GRID2: variants seen among roughly 807,000 people sequenced by gnomAD.
GRID2 encodes glutamate receptor ionotropic, delta-2.
Under a neutral mutation model 114.8 loss-of-function variants are expected in GRID2, and 33 were observed. The observed-to-expected ratio is 0.29, with a 90% CI of 0.22 to 0.38. GRID2 has a LOEUF of 0.38. GRID2 is among the 10% of genes least tolerant of loss of function. GRID2 has a pLI of 1.00. For synonymous variants in GRID2, 505 were observed against 449.9 expected (o/e 1.12, Z -1.55); for missense variants, 1,184 against 1,257.7 (o/e 0.94, Z 0.89).
intron 8 of GRID2, among the ~76,000 whole-genome samples, chr4:93,314,656 ATTTT>A (rs1039530746): frequency 6.6e-6 from 1 of 151,230 alleles, no homozygotes; most frequent in African/African-American, 2.4e-5. Flanking sequence ...CTCCTCCTTT[ATTTT>A]TTCTTTTCCT....
intron 8 of GRID2, among the ~76,000 whole-genome samples, chr4:93,316,308 G>C (rs1313943963): frequency 1.8e-5 from 2 of 112,946 alleles, no homozygotes; most frequent in Non-Finnish European, 3.6e-5. Context: ...AAGAAAGAAA[G>C]AAAGAAAGAA....
At chr4:93,115,938 A>G (rs771496213) in intron 4 of GRID2, among the ~76,000 whole-genome samples, 5 of 152,132 alleles carry the variant, frequency 3.3e-5, no homozygotes, top group Non-Finnish European at 7.4e-5. Context: ...ATATCAGTAG[A>G]TTAAATGACT....
At chr4:92,908,713 T>C (rs921518449) in intron 2 of GRID2, among the ~76,000 whole-genome samples, 1 of 152,202 alleles carries the variant, frequency 6.6e-6, no homozygotes, top group Non-Finnish European at 1.5e-5. Context: ...AGAATAGTTA[T>C]ATAAAAAATT....
At chr4:93,633,741 G>A (rs1721157116) in intron 14 of GRID2, among the ~76,000 whole-genome samples, 1 of 152,038 alleles carries the variant, frequency 6.6e-6, no homozygotes, top group South Asian at 2.1e-4. Context: ...CACAGCACCT[G>A]CCTACCCTTC....
At chr4:93,090,599 G>A (rs1730699739) in intron 3 of GRID2, among the ~76,000 whole-genome samples, 1 of 152,172 alleles carries the variant, frequency 6.6e-6, no homozygotes, top group Admixed American at 6.6e-5. Flanking sequence ...ATTGCTCCAT[G>A]TAGCTCCCAT....
chr4:92,399,371 G>C (rs1036909216), intron 1 of GRID2, among the ~76,000 whole-genome samples: 2 of 152,050 alleles, frequency 1.3e-5, no homozygotes, highest in African/African-American at 4.8e-5. Flanking sequence ...CTCCTAATTG[G>C]AACCCATCTA....
chr4:92,360,850 G>T (rs1728582906), intron 1 of GRID2, among the ~76,000 whole-genome samples: 1 of 151,746 alleles, frequency 6.6e-6, no homozygotes, highest in Non-Finnish European at 1.5e-5. Flanking sequence ...ACTTTTGTGG[G>T]GTTTTCCCCC....
intron 8 of GRID2, among the ~76,000 whole-genome samples, chr4:93,249,287 G>A (rs191101197): frequency 6.6e-6 from 1 of 152,266 alleles, no homozygotes; most frequent in African/African-American, 2.4e-5. Flanking sequence ...TGGTAGTATA[G>A]TTTGAAGTCA....
intron 8 of GRID2, among the ~76,000 whole-genome samples, chr4:93,273,779 A>G (rs775358666): frequency 5.9e-5 from 9 of 152,158 alleles, no homozygotes; most frequent in Non-Finnish European, 1.0e-4. Context: ...CAAGGTGGCA[A>G]TACCTCTCAG....
intron 8 of GRID2, among the ~76,000 whole-genome samples, chr4:93,294,573 G>A (rs748154644): frequency 6.6e-6 from 1 of 152,088 alleles, no homozygotes; most frequent in Non-Finnish European, 1.5e-5. Flanking sequence ...CTGTTTGCTG[G>A]TTTGTGACAG....
At chr4:93,232,342 A>G (rs1301180543) in intron 7 of GRID2, among the ~76,000 whole-genome samples, 1 of 152,066 alleles carries the variant, frequency 6.6e-6, no homozygotes, top group Non-Finnish European at 1.5e-5. Flanking sequence ...TTTAAATCAA[A>G]TTCTTTTGCA....
At chr4:93,332,299 T>TGTGAGAGAGAGA (rs1332631052) in intron 8 of GRID2, among the ~76,000 whole-genome samples, 2 of 120,988 alleles carry the variant, frequency 1.7e-5, no homozygotes, top group African/African-American at 6.6e-5. Context: ...TGTGTGTGTG[T>TGTGAGAGAGAGA]GAGAGAGAGA....
intron 14 of GRID2, among the ~76,000 whole-genome samples, chr4:93,648,325 G>A (rs536622214): frequency 4.6e-4 from 70 of 152,112 alleles, no homozygotes; most frequent in Non-Finnish European, 8.2e-4. Context: ...AGTAACATGG[G>A]GAAAAATCAA....
At chr4:92,843,406 G>C (rs556989886) in intron 2 of GRID2, among the ~76,000 whole-genome samples, 32 of 152,172 alleles carry the variant, frequency 2.1e-4, no homozygotes, top group Non-Finnish European at 4.1e-4. Flanking sequence ...TGTGGGCCCT[G>C]TAGAACTTTG....
chr4:93,560,588 A>G (rs1734827359), intron 13 of GRID2, among the ~76,000 whole-genome samples: 1 of 152,160 alleles, frequency 6.6e-6, no homozygotes. Flanking sequence ...CACTGGGGAT[A>G]ATATTTTATT....
chr4:93,552,735 C>T (rs1329986362), intron 13 of GRID2, among the ~76,000 whole-genome samples: 13 of 152,112 alleles, frequency 8.5e-5, no homozygotes, highest in Non-Finnish European at 1.3e-4. Context: ...CGGCACCCAT[C>T]AACTCTTCAT....
chr4:93,392,580 A>T (rs1764959841), intron 8 of GRID2, among the ~76,000 whole-genome samples: 1 of 152,212 alleles, frequency 6.6e-6, no homozygotes, highest in South Asian at 2.1e-4. Flanking sequence ...AACAGAAATT[A>T]AAGAATGTTA....
At chr4:93,289,335 A>G (rs962669398) in intron 8 of GRID2, among the ~76,000 whole-genome samples, 2 of 151,810 alleles carry the variant, frequency 1.3e-5, no homozygotes, top group African/African-American at 4.9e-5. Context: ...TCTTTTTTTT[A>G]AGAGACTGGA....
Position 93,781,244 on chromosome 4 carries a change from G to T in GRID2, c.221+11794G>T, listed in dbSNP as rs908119722. On this transcript the variant is annotated intron_variant, in intron 1 of 1. Transcript: ENST00000637838. The stretch of plus-strand genomic sequence containing the variant: ...TTTTTAACAAGTGATGGGGAACTGA[G>T]GGATCATCTAGAGTCCATAATTTTT... Among the ~76,000 whole-genome samples, 12 of 152,290 alleles carry T rather than the reference G, an allele frequency of 7.9e-5. No homozygotes were observed. The South Asian group carries it at 2.5e-3, about 32-fold the overall frequency.
Sources: allele counts gnomAD v4.1 joint callset (sites outside exome capture counted in the v4.1 genomes callset), GRCh38; gene constraint gnomAD v4.1.1; transcripts MANE v1.5; gene names NCBI Gene and HGNC (gene_info 2026-07-23, HGNC 2026-07-21).